KIDINS220: variants seen among roughly 807,000 people sequenced by gnomAD.
KIDINS220 encodes the protein kinase D interacting substrate 220.
KIDINS220 carries 63 observed loss-of-function variants against 157.6 expected under a neutral mutation model. The ratio of observed to expected loss-of-function variants is 0.40; its 90% confidence interval spans 0.33 to 0.49. KIDINS220 has a LOEUF of 0.49. KIDINS220 is among the 20% of genes least tolerant of loss of function. The pLI, the probability that KIDINS220 is intolerant of heterozygous loss-of-function variation, is 0.66. For missense variants in KIDINS220, 1,772 were observed against 2,171.2 expected (o/e 0.82, Z 3.65); for synonymous variants, 732 against 783.6 (o/e 0.93, Z 1.10).
intron 29 of KIDINS220, among the ~76,000 whole-genome samples, chr2:8,733,208 G>A (rs1024884820): frequency 1.6e-4 from 24 of 152,096 alleles, no homozygotes; most frequent in African/African-American, 5.6e-4. Context: ...TGACCCTGAT[G>A]GATATCTCAG....
At chr2:8,777,024 G>C in intron 20 of KIDINS220, 132 bp from the exon 21 acceptor site, 1 of 877,204 alleles carries the variant, frequency 1.1e-6, no homozygotes, top group Non-Finnish European at 1.7e-6. Context: ...ATATCATACA[G>C]TAATAAATTA....
chr2:8,747,316 G>A (rs1211971466), intron 25 of KIDINS220, 115 bp from the exon 26 acceptor site: 3 of 877,828 alleles, frequency 3.4e-6, no homozygotes, highest in Non-Finnish European at 5.7e-6. Context: ...AACAGTTTAT[G>A]TTTTTGCCTC....
intron 18 of KIDINS220, 110 bp from the exon 19 acceptor site, chr2:8,779,249 T>C (rs768487248): frequency 1.5e-6 from 2 of 1,344,624 alleles, no homozygotes; most frequent in Non-Finnish European, 2.0e-6. Context: ...TCTAAACTAC[T>C]ATTTCTTTTC....
chr2:8,790,083 C>G, intron 13 of KIDINS220, 24 bp from the exon 14 acceptor site: 1 of 1,567,354 alleles, frequency 6.4e-7, no homozygotes, highest in Non-Finnish European at 8.6e-7. Context: ...TAATACGAAA[C>G]CTTATTCCTG....
Position 8,728,866 on chromosome 2 carries a change from AACT to A in KIDINS220, c.*1851_*1853del, listed in dbSNP as rs1162969542. 2.0e-6 allele frequency: 2 copies of A among 985,146 alleles called. No individual in the cohort carries two copies. The highest frequency in any genetic ancestry group is 1.7e-5 in the African/African-American group (1 of 57,238). The allele number at this position is 985,146 out of a possible 1,614,324, so 61.0% of individuals were successfully genotyped here. A position where few individuals can be genotyped will look rare whatever the true frequency, so the allele number is the denominator to read the frequency against. ...AGACATGTGACAAAACAAACACACA[AACT>A]ACTTTTATTTTTAATCAAAATGTGA... On this transcript the variant is annotated 3_prime_UTR_variant, in exon 30 of 30. Coordinates refer to ENST00000256707, the MANE Select transcript of KIDINS220 (RefSeq NM_020738.4).
chr2:8,791,955 T>C (rs1022955142), intron 12 of KIDINS220, among the ~76,000 whole-genome samples: 3 of 152,082 alleles, frequency 2.0e-5, no homozygotes, highest in Non-Finnish European at 2.9e-5. Flanking sequence ...AAAACAATAA[T>C]TTGAACATTC....
In KIDINS220 at chr2:8,731,277, C is replaced by T. The variant is rs750646311; in HGVS notation, c.4759G>A (p.Gly1587Arg). 6.2e-7 allele frequency: 1 copy of T among 1,614,094 alleles called. No homozygotes were observed. Residue 1587 changes from glycine (G) to arginine (R), a missense_variant, in exon 30 of 30, where the codon GGA (glycine) becomes AGA (arginine). Transcript: ENST00000256707. This position sits in a 1 kb window ranked among gnomAD's most constrained non-coding sequence, Gnocchi z 5.2. ...GGAGAACTTTCACTGGATCTCACTC[C>T]TGAATCCGATGAATCCTTTTTGTCA... ...LLDKKDSSDS[G>R]VRSSESSPNH...
Position 8,743,862 on chromosome 2 carries a change from A to G in KIDINS220, c.3585+3283T>C, listed in dbSNP as rs1665973375. Among the ~76,000 whole-genome samples the G allele has an allele frequency of 3.3e-5, 5 of 152,120 alleles. No homozygotes were observed. The South Asian group carries it at 1.0e-3, about 31-fold the overall frequency. ...TTTCTAAAAGCTTCTATGCTTTGGAACTTTGAAAAACACTGTTCCTTTCTA... is the reference window on the plus strand; with the variant it reads ...TTTCTAAAAGCTTCTATGCTTTGGAGCTTTGAAAAACACTGTTCCTTTCTA... On this transcript the variant is annotated intron_variant, in intron 26 of 29. Coordinates refer to ENST00000256707, the MANE Select transcript of KIDINS220 (RefSeq NM_020738.4).
chr2:8,770,952 CA>C (rs1426188878), intron 21 of KIDINS220, 120 bp from the exon 22 acceptor site: 25 of 563,498 alleles, frequency 4.4e-5, no homozygotes, highest in Non-Finnish European at 6.1e-5. Context: ...ATTTATACTA[CA>C]AATTCAAATC....
chr2:8,728,370 C>A (rs1663551194), downstream of KIDINS220, among the ~76,000 whole-genome samples: 2 of 152,134 alleles, frequency 1.3e-5, no homozygotes, highest in South Asian at 4.1e-4. Context: ...AAAAACCCCA[C>A]AGGACTCTAA....
intron 1 of KIDINS220, among the ~76,000 whole-genome samples, chr2:8,835,381 T>G (rs1680255816): frequency 1.3e-5 from 2 of 152,110 alleles, no homozygotes. Context: ...ATCTGTGGCA[T>G]GAAACTGTTG....
intron 20 of KIDINS220, 82 bp downstream of exon 20, chr2:8,778,557 T>C (rs1336653726): frequency 1.1e-6 from 1 of 916,802 alleles, no homozygotes; most frequent in East Asian, 2.4e-5. Context: ...ATTTACAAAG[T>C]ATTATTTAAG....
intron 24 of KIDINS220, chr2:8,749,365 A>G (rs1372764554): frequency 2.2e-6 from 1 of 453,334 alleles, no homozygotes. Flanking sequence ...AGAAATTGCA[A>G]TGCACCTTAA....
chr2:8,728,331 A>T (rs887411844), downstream of KIDINS220, among the ~76,000 whole-genome samples: 1 of 151,520 alleles, frequency 6.6e-6, no homozygotes, highest in African/African-American at 2.4e-5. Context: ...TCAAACAAAC[A>T]AACAAACAAA....
Position 8,748,535 on chromosome 2 carries a change from A to G in KIDINS220, c.3415-535T>C, listed in dbSNP as rs574250950. Among the ~76,000 whole-genome samples, 25 of 152,330 alleles carry G rather than the reference A, an allele frequency of 1.6e-4. No individual in the cohort carries two copies. In the East Asian group the frequency reaches 4.6e-3, roughly 28 times the overall value. On this transcript the variant is annotated intron_variant, in intron 24 of 29. Coordinates refer to ENST00000256707, the MANE Select transcript of KIDINS220 (RefSeq NM_020738.4). ...GAGTTTATAACCTAAATAAGCAAGC[A>G]TATTTTTTTTAAAAAACGTGGGGAA... is the stretch of plus-strand genomic sequence containing the variant.
chr2:8,768,094 T>C (rs1669702294), intron 22 of KIDINS220, among the ~76,000 whole-genome samples: 1 of 152,156 alleles, frequency 6.6e-6, no homozygotes, highest in Non-Finnish European at 1.5e-5. Context: ...CTACTTAAAT[T>C]CATTTTTTTA....
chr2:8,823,491 A>G (rs1320488262), intron 2 of KIDINS220, among the ~76,000 whole-genome samples: 2 of 152,032 alleles, frequency 1.3e-5, no homozygotes, highest in African/African-American at 4.8e-5. Flanking sequence ...AAAAGCCTAG[A>G]TGGTTTCAAA....
At chr2:8,751,142 G>A (rs1021578324) in intron 23 of KIDINS220, among the ~76,000 whole-genome samples, 8 of 113,978 alleles carry the variant, frequency 7.0e-5, no homozygotes, top group African/African-American at 2.7e-4. Context: ...AGTCATGACT[G>A]TATGTTAAAA....
chr2:8,733,488 C>T lies in KIDINS220; in HGVS notation c.4009G>A (p.Gly1337Ser). The change falls in exon 29 of 30, where the codon GGC becomes AGC. Residue 1337 changes from glycine (G) to serine (S), a missense_variant. Coordinates refer to ENST00000256707, the MANE Select transcript of KIDINS220 (RefSeq NM_020738.4). ...TGACGAGGGGCACCTTCATCCAGGCCAAGCGTGTTCAGCTCTTCGAAGCTG... is the reference window on the plus strand; with the variant it reads ...TGACGAGGGGCACCTTCATCCAGGCTAAGCGTGTTCAGCTCTTCGAAGCTG... ...NFSFEELNTL[G>S]LDEGAPRHSN... The T allele has an allele frequency of 6.2e-7, 1 of 1,614,150 alleles. No homozygotes were observed. The highest frequency in any genetic ancestry group is 8.5e-7 in the Non-Finnish European group (1 of 1,180,044).
Sources: gnomAD v4.1 joint callset for allele counts (sites outside exome capture counted in the v4.1 genomes callset) on GRCh38, gnomAD v4.1.1 for gene constraint, Gnocchi (gnomAD v3.1) non-coding constraint, MANE v1.5 for transcripts, NCBI Gene and HGNC (gene_info 2026-07-23, HGNC 2026-07-21) for gene names.